The following ACSM3 variants were observed in gnomAD, a reference collection of about 807,000 sequenced individuals.
ACSM3 encodes acyl-CoA synthetase medium chain family member 3.
In ACSM3, 61 loss-of-function variants were observed where a neutral mutation model predicts 74.1. That is an observed-to-expected ratio of 0.82 (90% CI 0.67 to 1.02). The LOEUF (loss-of-function observed/expected upper bound fraction) is 1.02. ACSM3 is among the 50% of genes least tolerant of loss of function. The probability of loss-of-function intolerance (pLI) is 0.00; values close to 1 mark genes in which losing one functional copy is unlikely to be tolerated. For synonymous variants in ACSM3, 213 were observed against 241.5 expected (o/e 0.88, Z 1.09); for missense variants, 660 against 697.0 (o/e 0.95, Z 0.60).
chr16:20,764,575 T>C (rs2080106057), intron 1 of ACSM3: 2 of 152,094 alleles, frequency 1.3e-5, no homozygotes, highest in South Asian at 4.1e-4. Flanking sequence ...AATAAAAAAT[T>C]AGCCAGGTGT....
At chr16:20,680,703 A>G (rs1472182474) in intron 1 of ACSM3, 1 of 152,210 alleles carries the variant, frequency 6.6e-6, no homozygotes, top group African/African-American at 2.4e-5. Flanking sequence ...ACAAAACTCT[A>G]TGGAGAAGCA....
intron 2 of ACSM3, among the ~76,000 whole-genome samples, chr16:20,770,732 A>C (rs2080182937): frequency 6.6e-6 from 1 of 152,162 alleles, no homozygotes; most frequent in Admixed American, 6.5e-5. Flanking sequence ...AGGACCCCAA[A>C]GTTATTATTT....
At chr16:20,717,978 G>GA (rs1555481019) in intron 1 of ACSM3, among the ~76,000 whole-genome samples, 1 of 123,310 alleles carries the variant, frequency 8.1e-6, no homozygotes, top group African/African-American at 3.1e-5. Flanking sequence ...AGAAGAAGAA[G>GA]AAGAAGAAGA....
chr16:20,778,638 C>A (rs2152463527), intron 4 of ACSM3, among the ~76,000 whole-genome samples: 1 of 152,198 alleles, frequency 6.6e-6, no homozygotes, highest in South Asian at 2.1e-4. Flanking sequence ...GGGTGCTGAG[C>A]CTACACTCCT....
chr16:20,694,225 T>C (rs1442595722), intron 1 of ACSM3, among the ~76,000 whole-genome samples: 1 of 152,208 alleles, frequency 6.6e-6, no homozygotes, highest in Non-Finnish European at 1.5e-5. Flanking sequence ...TGAGGTCCCG[T>C]TCCAGCCAGT....
At chr16:20,705,405 T>A (rs1222482055) in intron 1 of ACSM3, among the ~76,000 whole-genome samples, 68 of 148,950 alleles carry the variant, frequency 4.6e-4, no homozygotes, top group Admixed American at 4.5e-3. Context: ...TCAGAATGCA[T>A]TAGAGATTAG....
At chr16:20,739,780 C>T (rs1246600268) in intron 1 of ACSM3, among the ~76,000 whole-genome samples, 2 of 151,200 alleles carry the variant, frequency 1.3e-5, no homozygotes, top group African/African-American at 2.4e-5. Context: ...GAGATTGCAC[C>T]ACTGCACTCC....
chr16:20,735,249 G>GT (rs1402486676), intron 1 of ACSM3: 2 of 152,104 alleles, frequency 1.3e-5, no homozygotes, highest in Non-Finnish European at 2.9e-5. Context: ...CTGTTTTATT[G>GT]TAAGTACTCT....
chr16:20,719,430 G>A (rs1288265189), intron 1 of ACSM3: 2 of 229,708 alleles, frequency 8.7e-6, no homozygotes, highest in Non-Finnish European at 9.5e-6. Context: ...GCTCTTCCTT[G>A]TCTCCCATAA....
intron 9 of ACSM3, among the ~76,000 whole-genome samples, chr16:20,786,777 G>A (rs1265882848): frequency 2.0e-5 from 3 of 152,158 alleles, no homozygotes; most frequent in African/African-American, 2.4e-5. Context: ...GCACAAAGAG[G>A]TAAAAGAACT....
chr16:20,784,910 A>G lies in ACSM3; in HGVS notation c.1020-74A>G, dbSNP rs745783736. ...ACTAAAACATTTTATATTGAAGTTC[A>G]TAAGAAATAATCCTTAATCTTCACT... On this transcript the variant is annotated intron_variant, in intron 7 of 13. Coordinates refer to ENST00000289416, the MANE Select transcript of ACSM3 (RefSeq NM_005622.4). 19 of 1,511,102 alleles carry G rather than the reference A, an allele frequency of 1.3e-5. No individual in the cohort carries two copies. The Admixed American group carries it at 1.9e-4, about 15-fold the overall frequency. The allele number at this position is 1,511,102 out of a possible 1,614,324, so 93.6% of individuals were successfully genotyped here.
intron 1 of ACSM3, chr16:20,697,604 C>CACAG (rs1349193404): frequency 7.1e-6 from 1 of 141,522 alleles, no homozygotes; most frequent in African/African-American, 2.7e-5. Context: ...CACACACACA[C>CACAG]AGATAGAAGC....
At chr16:20,749,896 T>G (rs986378755) in intron 1 of ACSM3, 1 of 152,414 alleles carries the variant, frequency 6.6e-6, no homozygotes, top group Non-Finnish European at 1.5e-5. Flanking sequence ...TAAGGCCATG[T>G]GTCTCTATTC....
chr16:20,760,602 C>T (rs1022134057), upstream of ACSM3, among the ~76,000 whole-genome samples: 2 of 152,104 alleles, frequency 1.3e-5, no homozygotes, highest in African/African-American at 4.8e-5. Flanking sequence ...CAGGAACTCA[C>T]TGAGCCTGTA....
At chr16:20,724,638 C>T (rs1489873717) in intron 1 of ACSM3, among the ~76,000 whole-genome samples, 2 of 152,202 alleles carry the variant, frequency 1.3e-5, no homozygotes, top group Non-Finnish European at 2.9e-5. Flanking sequence ...ACCCCATCGT[C>T]TCAGCCCAAA....
At chr16:20,727,400 G>A in intron 1 of ACSM3, 1 of 567,010 alleles carries the variant, frequency 1.8e-6, no homozygotes, top group Non-Finnish European at 3.4e-6. Context: ...TCACCCCGGA[G>A]GTGCTGGAGC....
At chr16:20,738,834 C>T (rs1266760909) in intron 1 of ACSM3, 4 of 1,569,308 alleles carry the variant, frequency 2.5e-6, no homozygotes, top group African/African-American at 1.4e-5. Context: ...AAGCAGTATT[C>T]CCTGAGACAG....
intron 1 of ACSM3, chr16:20,734,506 T>G (rs935952975): frequency 6.6e-6 from 1 of 152,160 alleles, no homozygotes; most frequent in Non-Finnish European, 1.5e-5. Context: ...GCTAGGAGGA[T>G]AAAAATACAT....
At chr16:20,725,032 T>C (rs1289534787) in intron 1 of ACSM3, among the ~76,000 whole-genome samples, 2 of 152,096 alleles carry the variant, frequency 1.3e-5, no homozygotes, top group African/African-American at 4.8e-5. Context: ...AAAAAACAAC[T>C]TTAAAGTTTA....
Sources: allele counts gnomAD v4.1 joint callset (sites outside exome capture counted in the v4.1 genomes callset), GRCh38; gene constraint gnomAD v4.1.1; transcripts MANE v1.5; gene names NCBI Gene and HGNC (gene_info 2026-07-23, HGNC 2026-07-21).